The following ULK2 variants were observed in gnomAD, a reference collection of about 807,000 sequenced individuals.
The protein encoded by ULK2 is unc-51 like autophagy activating kinase 2.
In ULK2, 76 loss-of-function variants were observed where a neutral mutation model predicts 127.5. The ratio of observed to expected loss-of-function variants is 0.60; its 90% confidence interval spans 0.50 to 0.72. The LOEUF (loss-of-function observed/expected upper bound fraction) is 0.72, where lower values mean the gene tolerates loss of function less well. ULK2 is among the 30% of genes least tolerant of loss of function. The pLI, the probability that ULK2 is intolerant of heterozygous loss-of-function variation, is 0.00. For synonymous variants in ULK2, 452 were observed against 461.9 expected, an observed-to-expected ratio of 0.98 and a Z score of 0.28; for missense variants, 1,144 against 1,295.9, an observed-to-expected ratio of 0.88 and a Z score of 1.80.
intron 26 of ULK2, among the ~76,000 whole-genome samples, 181 bp from the exon 27 acceptor site, chr17:19,776,588 A>G (rs205100): frequency 0.96 from 146,198 of 152,176 alleles, 70,424 homozygotes; most frequent in African/African-American, 0.99. Flanking sequence ...TAAGCACATC[A>G]GCTAGCTTGC....
intron 20 of ULK2, among the ~76,000 whole-genome samples, chr17:19,791,550 T>C (rs2087153485): frequency 6.6e-6 from 1 of 152,062 alleles, no homozygotes; most frequent in African/African-American, 2.4e-5. Context: ...CTGGGTATGG[T>C]GGCACACACC....
In ULK2 at chr17:19,777,340, G is replaced by T. The variant is rs368157471; in HGVS notation, c.3052+241C>A. 5.9e-5 allele frequency among the ~76,000 whole-genome samples: 9 copies of T among 152,294 alleles called. No homozygotes were observed. The South Asian group carries it at 1.7e-3, about 28-fold the overall frequency. ...GGCTGGTCTTGCACTCCTGAGCTCA[G>T]GTGATCCGCCCACCTTGGCCTCCCA... On this transcript the variant is annotated intron_variant, in intron 26 of 26. Coordinates refer to ENST00000395544, the MANE Select transcript of ULK2 (RefSeq NM_014683.4).
chr17:19,860,540 T>TC (rs1567731267), intron 3 of ULK2, among the ~76,000 whole-genome samples: 1 of 151,814 alleles, frequency 6.6e-6, no homozygotes, highest in Non-Finnish European at 1.5e-5. Context: ...TTTTTTTTTT[T>TC]TGAGACGGAG....
intron 1 of ULK2, 70 bp downstream of exon 1, chr17:19,867,258 G>A: frequency 6.3e-6 from 8 of 1,279,672 alleles, no homozygotes; most frequent in Non-Finnish European, 7.2e-6. Flanking sequence ...TCGCGGCTGC[G>A]CCAAGTTTCA....
At chr17:19,832,018 G>A (rs1323597963) in intron 10 of ULK2, among the ~76,000 whole-genome samples, 1 of 151,886 alleles carries the variant, frequency 6.6e-6, no homozygotes, top group Admixed American at 6.6e-5. Flanking sequence ...CAGCTACTCT[G>A]GAGGCTGAAG....
intron 19 of ULK2, 134 bp downstream of exon 19, chr17:19,795,961 C>G: frequency 8.0e-7 from 1 of 1,251,878 alleles, no homozygotes; most frequent in Non-Finnish European, 1.1e-6. Flanking sequence ...TCTAAATGTA[C>G]GTGGTACATA....
Position 19,846,810 on chromosome 17 carries a change from G to C in ULK2, c.396C>G (p.Leu132=), listed in dbSNP as rs927591177. 6.2e-7 allele frequency: 1 copy of C among 1,613,990 alleles called. No homozygotes were observed. The highest frequency in any genetic ancestry group is 8.5e-7 in the Non-Finnish European group (1 of 1,179,962). The change falls in exon 6 of 27, where the codon CTC becomes CTG. Residue 132 remains leucine (L), a synonymous_variant. Coordinates refer to ENST00000395544, the MANE Select transcript of ULK2 (RefSeq NM_014683.4). Reference sequence around the variant, plus strand: ...AGGACAGCAAGATGTTCTGTGGTTTGAGATCTCTGTGGATGATTCCTTTGC... The same window carrying C: ...AGGACAGCAAGATGTTCTGTGGTTTCAGATCTCTGTGGATGATTCCTTTGC... ...LHSKGIIHRD[L]KPQNILLSYA...
At position 19,861,273 on chromosome 17, in the gene ULK2, G is replaced by A. The variant is rs554445661; in HGVS notation, c.225+3530C>T. Among the ~76,000 whole-genome samples the A allele has an allele frequency of 7.4e-4, 112 of 152,274 alleles. 1 individual carries two copies. The highest frequency in any genetic ancestry group is 2.4e-3 in the African/African-American group (98 of 41,570). ...GAAAATAATCTAAGCAAGGCCGGGC[G>A]CGGTGGCTCACGCCTGTTATCCCAG... On this transcript the variant is annotated intron_variant, in intron 3 of 26. Transcript: ENST00000395544.
chr17:19,817,997 C>T (rs1438433328), intron 12 of ULK2, among the ~76,000 whole-genome samples: 2 of 152,234 alleles, frequency 1.3e-5, no homozygotes, highest in Admixed American at 6.5e-5. Context: ...GCGCTAGGCA[C>T]TGTTAAAAGA....
intron 20 of ULK2, among the ~76,000 whole-genome samples, chr17:19,792,090 G>C (rs2087168192): frequency 6.6e-6 from 1 of 151,846 alleles, no homozygotes; most frequent in African/African-American, 2.4e-5. Context: ...TACTAAGAGG[G>C]AAATTTATAG....
At chr17:19,843,545 T>C (rs1182883932) in intron 7 of ULK2, among the ~76,000 whole-genome samples, 1 of 151,856 alleles carries the variant, frequency 6.6e-6, no homozygotes, top group Non-Finnish European at 1.5e-5. Context: ...GGACATGGTG[T>C]ATAAAATACA....
chr17:19,856,768 C>G (rs1270430309), intron 3 of ULK2, among the ~76,000 whole-genome samples: 1 of 150,492 alleles, frequency 6.6e-6, no homozygotes, highest in East Asian at 2.0e-4. Flanking sequence ...GTCAGGAGAT[C>G]GAGACCATCC....
chr17:19,793,129 G>C (rs996865295), intron 20 of ULK2, among the ~76,000 whole-genome samples: 1 of 152,178 alleles, frequency 6.6e-6, no homozygotes, highest in African/African-American at 2.4e-5. Context: ...CAAAGGGGAA[G>C]CAAGGCACTT....
intron 13 of ULK2, among the ~76,000 whole-genome samples, chr17:19,812,640 G>C (rs1260975319): frequency 1.3e-5 from 2 of 152,196 alleles, no homozygotes; most frequent in Non-Finnish European, 2.9e-5. Flanking sequence ...AGCATCACAA[G>C]AGAGTTCTGT....
At chr17:19,822,348 CTTATTTTATTTT>C (rs1405587402) in intron 12 of ULK2, among the ~76,000 whole-genome samples, 7 of 151,838 alleles carry the variant, frequency 4.6e-5, no homozygotes, top group South Asian at 4.2e-4. Context: ...ATGCCAGTGA[CTTATTTTATTTT>C]TTATTTTATT....
chr17:19,834,189 T>C (rs999020583), intron 10 of ULK2, among the ~76,000 whole-genome samples: 3 of 148,848 alleles, frequency 2.0e-5, no homozygotes, highest in Non-Finnish European at 4.5e-5. Flanking sequence ...CTGGAGAAAA[T>C]CCTAACAACC....
chr17:19,818,960 C>A (rs969037955), intron 12 of ULK2, among the ~76,000 whole-genome samples: 1 of 151,980 alleles, frequency 6.6e-6, no homozygotes, highest in African/African-American at 2.4e-5. Context: ...GCCACCATGC[C>A]TGGCTAATTT....
chr17:19,855,056 C>T (rs946200917), intron 3 of ULK2, among the ~76,000 whole-genome samples: 10 of 148,182 alleles, frequency 6.7e-5, no homozygotes, highest in East Asian at 4.0e-4. Context: ...GCTGAGAGTG[C>T]GCCACTGTAC....
chr17:19,835,890 G>A (rs959946271), intron 10 of ULK2, among the ~76,000 whole-genome samples: 7 of 152,192 alleles, frequency 4.6e-5, no homozygotes, highest in Admixed American at 3.3e-4. Context: ...GGGAGGCTAA[G>A]GCAGGAAGAT....
Sources: allele counts gnomAD v4.1 joint callset (sites outside exome capture counted in the v4.1 genomes callset), GRCh38; gene constraint gnomAD v4.1.1; transcripts MANE v1.5; gene names NCBI Gene and HGNC (gene_info 2026-07-23, HGNC 2026-07-21).